Variants in RAP1A observed in about 807,000 individuals in gnomAD.
RAP1A encodes the protein RAP1A, member of RAS oncogene family.
RAP1A carries 6 observed loss-of-function variants against 26.4 expected under a neutral mutation model. The observed-to-expected ratio is 0.23, with a 90% CI of 0.12 to 0.45. The LOEUF (loss-of-function observed/expected upper bound fraction) is 0.45. Ranked by LOEUF, RAP1A falls within the 20% of genes least tolerant of loss-of-function variation. The probability of loss-of-function intolerance (pLI) is 0.99; values close to 1 mark genes in which losing one functional copy is unlikely to be tolerated. For synonymous variants in RAP1A, 73 were observed against 79.4 expected (o/e 0.92, Z 0.43); for missense variants, 121 against 217.2 (o/e 0.56, Z 2.78).
chr1:111,593,397 A>G (rs2101067475), intron 1 of RAP1A, among the ~76,000 whole-genome samples: 1 of 152,196 alleles, frequency 6.6e-6, no homozygotes, highest in East Asian at 1.9e-4. Context: ...CAGAATTTAA[A>G]TTTCTTCTTT....
At chr1:111,684,406 GC>G (rs1199836398) in intron 1 of RAP1A, among the ~76,000 whole-genome samples, 10 of 152,188 alleles carry the variant, frequency 6.6e-5, no homozygotes, top group African/African-American at 2.4e-4. Flanking sequence ...CATCGTCTCA[GC>G]CCAAAAACTC....
At chr1:111,591,619 C>T (rs1247169179) in intron 1 of RAP1A, among the ~76,000 whole-genome samples, 5 of 152,094 alleles carry the variant, frequency 3.3e-5, no homozygotes, top group South Asian at 2.1e-4. Flanking sequence ...AATATCTGAG[C>T]GCATGATGTT....
At chr1:111,649,581 C>A in intron 1 of RAP1A, 1 of 221,914 alleles carries the variant, frequency 4.5e-6, no homozygotes. Flanking sequence ...GGATAGGACT[C>A]AGGCTTTGCC....
intron 1 of RAP1A, among the ~76,000 whole-genome samples, chr1:111,646,450 A>G (rs1026757227): frequency 1.6e-4 from 24 of 151,432 alleles, no homozygotes; most frequent in Admixed American, 2.0e-4. Context: ...CAAAACCTCA[A>G]TTCCCAAATT....
At chr1:111,708,061 A>G (rs1358186185) in intron 6 of RAP1A, among the ~76,000 whole-genome samples, 3 of 152,130 alleles carry the variant, frequency 2.0e-5, no homozygotes, top group Non-Finnish European at 4.4e-5. Flanking sequence ...TGTAGCTCCC[A>G]GCCGTTCGGG....
At chr1:111,688,307 A>ATT (rs1176142752) in intron 1 of RAP1A, among the ~76,000 whole-genome samples, 18 of 124,158 alleles carry the variant, frequency 1.4e-4, no homozygotes, top group South Asian at 1.2e-3. Context: ...GTGTATATAT[A>ATT]TTTTTTTCTT....
At chr1:111,590,048 G>C (rs1306124222) in intron 1 of RAP1A, among the ~76,000 whole-genome samples, 3 of 152,184 alleles carry the variant, frequency 2.0e-5, no homozygotes, top group Non-Finnish European at 4.4e-5. Flanking sequence ...GGGATTACAG[G>C]CGTGAGCCAC....
intron 1 of RAP1A, among the ~76,000 whole-genome samples, chr1:111,586,483 T>A (rs1658366345): frequency 6.6e-6 from 1 of 152,210 alleles, no homozygotes; most frequent in Non-Finnish European, 1.5e-5. Flanking sequence ...CTCAGGAGGC[T>A]GAGGTGGGAG....
Position 111,626,520 on chromosome 1 carries a change from A to G in RAP1A, c.-28+6586A>G, listed in dbSNP as rs891310927. ...ATGGGATGTTAATATTTTTTTCTAC[A>G]CTGATTAAAATCATCCTTTGCCACT... On this transcript the variant is annotated intron_variant, in intron 1 of 7. Coordinates refer to ENST00000369709, the MANE Select transcript of RAP1A (RefSeq NM_002884.4). Among the ~76,000 whole-genome samples the G allele has an allele frequency of 3.3e-5, 5 of 152,290 alleles. No homozygotes were observed. In the Middle Eastern group the frequency reaches 0.01, roughly 311 times the overall value.
chr1:111,625,724 A>G (rs1396757552), intron 1 of RAP1A, among the ~76,000 whole-genome samples: 3 of 152,120 alleles, frequency 2.0e-5, no homozygotes, highest in Admixed American at 6.5e-5. Context: ...ATTCCATCCT[A>G]TGCTTGTGAA....
Position 111,642,632 on chromosome 1 carries a change from C to T in RAP1A, c.-28+22698C>T, listed in dbSNP as rs185182028. Among the ~76,000 whole-genome samples, 16 of 151,588 alleles carry T rather than the reference C, an allele frequency of 1.1e-4. 1 individual carries two copies. Among genetic ancestry groups the T allele is most frequent in the African/African-American group, 3.6e-4 (15 of 41,324 alleles). On this transcript the variant is annotated intron_variant, in intron 1 of 7. Transcript: ENST00000369709. ...CCTCCTGAGTAGCTGGGACTACAGGCGCCTGCCACCACGCGCGGCTAGTTT... is the reference window on the plus strand; with the variant it reads ...CCTCCTGAGTAGCTGGGACTACAGGTGCCTGCCACCACGCGCGGCTAGTTT...
intron 2 of RAP1A, among the ~76,000 whole-genome samples, 199 bp from the exon 3 acceptor site, chr1:111,695,142 G>GACTA (rs1661787068): frequency 6.6e-6 from 1 of 152,006 alleles, no homozygotes; most frequent in South Asian, 2.1e-4. Flanking sequence ...TTTTTAACAT[G>GACTA]ACTACCTCCT....
intron 1 of RAP1A, among the ~76,000 whole-genome samples, chr1:111,665,743 C>A (rs1366910030): frequency 6.6e-6 from 1 of 152,064 alleles, no homozygotes; most frequent in Non-Finnish European, 1.5e-5. Context: ...ACATGTAGTT[C>A]CTAAAGGCAC....
At chr1:111,707,611 G>A (rs1223208673) in intron 6 of RAP1A, among the ~76,000 whole-genome samples, 1 of 152,166 alleles carries the variant, frequency 6.6e-6, no homozygotes, top group Non-Finnish European at 1.5e-5. Context: ...AGTTGTCCCT[G>A]TAATGCTCCT....
At chr1:111,643,750 C>G (rs1183732175) in intron 1 of RAP1A, among the ~76,000 whole-genome samples, 1 of 151,292 alleles carries the variant, frequency 6.6e-6, no homozygotes, top group Non-Finnish European at 1.5e-5. Context: ...TGTAGTAGGT[C>G]TTCTCTCAGA....
intron 1 of RAP1A, among the ~76,000 whole-genome samples, chr1:111,670,872 G>T (rs867573482): frequency 2.0e-5 from 3 of 152,222 alleles, no homozygotes; most frequent in African/African-American, 7.2e-5. Context: ...AGTCTATCAA[G>T]ACGACTTGTC....
At chr1:111,678,050 G>C (rs1485488416) in intron 1 of RAP1A, among the ~76,000 whole-genome samples, 1 of 152,186 alleles carries the variant, frequency 6.6e-6, no homozygotes, top group Non-Finnish European at 1.5e-5. Flanking sequence ...TATTACTACA[G>C]TTTTATAGTC....
chr1:111,628,943 A>G (rs747608204), intron 1 of RAP1A, among the ~76,000 whole-genome samples: 22 of 152,108 alleles, frequency 1.4e-4, no homozygotes, highest in Non-Finnish European at 2.6e-4. Context: ...TATATGTACA[A>G]TCTCCTGCAG....
intron 1 of RAP1A, among the ~76,000 whole-genome samples, chr1:111,542,767 G>C (rs1311329044): frequency 1.3e-5 from 2 of 151,920 alleles, no homozygotes; most frequent in Non-Finnish European, 2.9e-5. Flanking sequence ...TTCTGTCTTG[G>C]CTCACTGAAA....
Sources: gnomAD v4.1 joint callset for allele counts (sites outside exome capture counted in the v4.1 genomes callset) on GRCh38, gnomAD v4.1.1 for gene constraint, MANE v1.5 for transcripts, NCBI Gene and HGNC (gene_info 2026-07-23, HGNC 2026-07-21) for gene names.